Variants in DNM2 observed in about 807,000 individuals in gnomAD.
The protein encoded by DNM2 is dynamin-2.
Under a neutral mutation model 99.0 loss-of-function variants are expected in DNM2, and 15 were observed. The ratio of observed to expected loss-of-function variants is 0.15; its 90% CI spans 0.10 to 0.23. The LOEUF (loss-of-function observed/expected upper bound fraction) is 0.23, where lower values mean the gene tolerates loss of function less well. Ranked by LOEUF, DNM2 falls within the 10% of genes least tolerant of loss-of-function variation. DNM2 has a pLI of 1.00. For missense variants in DNM2, 742 were observed against 1,189.4 expected, an observed-to-expected ratio of 0.62 and a Z score of 5.53; for synonymous variants, 525 against 481.2, an observed-to-expected ratio of 1.09 and a Z score of -1.19.
chr19:10,772,437 C>A lies in DNM2; in HGVS notation c.236-42C>A. 6.2e-7 allele frequency: 1 copy of A among 1,612,240 alleles called. No homozygotes were observed. Among genetic ancestry groups the A allele is most frequent in the South Asian group, 1.1e-5 (1 of 91,048 alleles). On this transcript the variant is annotated intron_variant, in intron 2 of 20. Coordinates refer to ENST00000389253, the MANE Select transcript of DNM2 (RefSeq NM_001005361.3). The surrounding 1 kb of genome is among the most constrained non-coding windows in gnomAD (Gnocchi z 4.9). ...CCCCGCAGTCCATGCGCACCCTGCC[C>A]ACAGCTCTTTCTCATTTTCAGCATC...
chr19:10,772,705 C>T lies in DNM2; in HGVS notation c.385+77C>T. 2 of 1,597,074 alleles carry T rather than the reference C, an allele frequency of 1.3e-6. No homozygotes were observed. The highest frequency in any genetic ancestry group is 1.1e-5 in the South Asian group (1 of 89,988). ...ACAGTGCTATGGGTGAGCCTGTGTA[C>T]TTCCACTCATGGGTATCATGTGCCC... On this transcript the variant is annotated intron_variant, in intron 3 of 20. Transcript: ENST00000389253. This position sits in a 1 kb window ranked among gnomAD's most constrained non-coding sequence, Gnocchi z 4.9.
chr19:10,806,324 A>G (rs1484786475), intron 13 of DNM2, among the ~76,000 whole-genome samples: 1 of 152,136 alleles, frequency 6.6e-6, no homozygotes, highest in Non-Finnish European at 1.5e-5. Flanking sequence ...GTTTGAGACC[A>G]GCCTGGGCAA....
chr19:10,781,843 C>G (rs2071387863), intron 5 of DNM2: 1 of 151,916 alleles, frequency 6.6e-6, no homozygotes, highest in South Asian at 2.1e-4. Flanking sequence ...TTGAATTATC[C>G]AGCTTTTCTC....
In DNM2 at chr19:10,812,082, C is replaced by T; in HGVS notation, c.1558-182C>T. On this transcript the variant is annotated intron_variant, in intron 14 of 20. Transcript: ENST00000389253. The surrounding 1 kb of genome is among the most constrained non-coding windows in gnomAD (Gnocchi z 4.0). ...CCGCCCACCTGCCCAGGTGGCGCCT[C>T]ATGTTGGTTTCCTGCTGGAAATGCT... The T allele has an allele frequency of 1.7e-6, 1 of 577,616 alleles. No homozygotes were observed. The highest frequency in any genetic ancestry group is 3.3e-6 in the Non-Finnish European group (1 of 307,420). 35.8% of individuals were successfully genotyped at this position (577,616 alleles called of 1,614,324 possible).
At chr19:10,821,460 G>T (rs1284248727) in intron 16 of DNM2, among the ~76,000 whole-genome samples, 22 of 152,134 alleles carry the variant, frequency 1.4e-4, no homozygotes, top group Admixed American at 1.4e-3. Flanking sequence ...CAGGGTCCAG[G>T]CCCTGCATGT....
intron 1 of DNM2, among the ~76,000 whole-genome samples, chr19:10,723,839 A>G (rs1405730108): frequency 6.6e-6 from 1 of 152,176 alleles, no homozygotes; most frequent in South Asian, 2.1e-4. Context: ...CAGGCCCACA[A>G]TCTCAGCTCT....
At chr19:10,807,697 T>G (rs547704470) in intron 13 of DNM2, among the ~76,000 whole-genome samples, 284 of 146,890 alleles carry the variant, frequency 1.9e-3, no homozygotes, top group Non-Finnish European at 3.0e-3. Flanking sequence ...TACAGGAGCC[T>G]GCCACCACCC....
At chr19:10,747,579 G>A (rs1568276821) in intron 1 of DNM2, among the ~76,000 whole-genome samples, 1 of 152,202 alleles carries the variant, frequency 6.6e-6, no homozygotes, top group Non-Finnish European at 1.5e-5. Context: ...GATTGTGGAA[G>A]TGAGAAGTCT....
Position 10,776,363 on chromosome 19 carries a change from G to A in DNM2, c.589+457G>A, listed in dbSNP as rs145794198. Among the ~76,000 whole-genome samples the A allele has an allele frequency of 3.2e-3, 485 of 152,256 alleles. 1 individual carries two copies. The highest frequency in any genetic ancestry group is 0.011 in the African/African-American group (470 of 41,552). On this transcript the variant is annotated intron_variant, in intron 4 of 20. Transcript: ENST00000389253. ...GAGATCGTCTATTTCCCTTCGAGTT[G>A]ACACCCCTGGGCCCCTCTAGTCAGA...
chr19:10,806,757 C>T (rs1243254371), intron 13 of DNM2, among the ~76,000 whole-genome samples: 5 of 152,120 alleles, frequency 3.3e-5, no homozygotes, highest in Non-Finnish European at 7.4e-5. Context: ...TGCGCCACCG[C>T]ACTCCAGTGT....
In DNM2 at chr19:10,796,255, T is replaced by C. The variant is rs1599570325; in HGVS notation, c.1196+816T>C. ...CCTTGTGGAAACGGGGGTACGGGGG[T>C]TTGGTATCAGGCTCCCAGCGCCTCA... On this transcript the variant is annotated intron_variant, in intron 9 of 20. Transcript: ENST00000389253. The surrounding 1 kb of genome is among the most constrained non-coding windows in gnomAD (Gnocchi z 5.6). 2 of 1,611,720 alleles carry C rather than the reference T, an allele frequency of 1.2e-6. No individual in the cohort carries two copies. The highest frequency in any genetic ancestry group is 2.7e-5 in the African/African-American group (2 of 74,714).
intron 17 of DNM2, 54 bp downstream of exon 17, chr19:10,823,953 C>A: frequency 6.3e-7 from 1 of 1,577,614 alleles, no homozygotes; most frequent in Non-Finnish European, 8.7e-7. Context: ...GGAGAGGAAG[C>A]AGGGCTGGCT....
At position 10,727,663 on chromosome 19, in the gene DNM2, C is replaced by T. The variant is rs1036508694; in HGVS notation, c.161+9260C>T. Among the ~76,000 whole-genome samples, 5 of 152,124 alleles carry T rather than the reference C, an allele frequency of 3.3e-5. No homozygotes were observed. In the South Asian group the frequency reaches 8.3e-4, roughly 25 times the overall value. On this transcript the variant is annotated intron_variant, in intron 1 of 20. Coordinates refer to ENST00000389253, the MANE Select transcript of DNM2 (RefSeq NM_001005361.3). ...GGGATTACAGGCAAGAGCCACGGCACCCGGCCTAGGTTAGATTTAGAGTTT... is the reference window on the plus strand; with the variant it reads ...GGGATTACAGGCAAGAGCCACGGCATCCGGCCTAGGTTAGATTTAGAGTTT...
In DNM2 at chr19:10,729,835, A is replaced by G. The variant is rs184295516; in HGVS notation, c.161+11432A>G. Among the ~76,000 whole-genome samples the G allele has an allele frequency of 5.9e-3, 890 of 151,848 alleles. 1 individual carries two copies. The highest frequency in any genetic ancestry group is 7.6e-3 in the Non-Finnish European group (516 of 67,954). On this transcript the variant is annotated intron_variant, in intron 1 of 20. Transcript: ENST00000389253. ...TGTACTTAGGTACATGCTGGTACCT[A>G]TAGAGAATACGTGGCACCATTATGG...
At chr19:10,771,154 C>T (rs2070963836) in intron 2 of DNM2, among the ~76,000 whole-genome samples, 2 of 152,294 alleles carry the variant, frequency 1.3e-5, no homozygotes, top group Admixed American at 1.3e-4. Flanking sequence ...GGGATATCCC[C>T]TCCCCAACAT....
chr19:10,775,539 A>G lies in DNM2; in HGVS notation c.386-164A>G, dbSNP rs1227999625. Among the ~76,000 whole-genome samples the G allele has an allele frequency of 6.6e-6, 1 of 152,180 alleles. No individual in the cohort carries two copies. Among genetic ancestry groups the G allele is most frequent in the Non-Finnish European group, 1.5e-5 (1 of 68,036 alleles). ...GGTATCTGTAGGATGGGATCCTAGA[A>G]GGGGAGTTACTGGATCAAAGGTGTG... On this transcript the variant is annotated intron_variant, in intron 3 of 20. Transcript: ENST00000389253. The surrounding 1 kb of genome is among the most constrained non-coding windows in gnomAD (Gnocchi z 4.3).
intron 12 of DNM2, 112 bp downstream of exon 12, chr19:10,802,470 C>G (rs188291423): frequency 2.5e-5 from 32 of 1,270,348 alleles, no homozygotes; most frequent in Admixed American, 3.6e-5. Flanking sequence ...CAGTCTCTGT[C>G]GGGGGTCCTG....
chr19:10,804,844 C>G (rs374753523), intron 12 of DNM2, among the ~76,000 whole-genome samples: 3 of 152,182 alleles, frequency 2.0e-5, no homozygotes, highest in African/African-American at 7.2e-5. Context: ...TATCCTACAG[C>G]CAACTTGGAC....
At chr19:10,747,235 C>T (rs2070022072) in intron 1 of DNM2, among the ~76,000 whole-genome samples, 1 of 152,110 alleles carries the variant, frequency 6.6e-6, no homozygotes, top group Non-Finnish European at 1.5e-5. Context: ...TTCACAAACC[C>T]TTCCACCTCC....
Sources: gnomAD v4.1 joint callset for allele counts (sites outside exome capture counted in the v4.1 genomes callset) on GRCh38, gnomAD v4.1.1 for gene constraint, Gnocchi (gnomAD v3.1) non-coding constraint, MANE v1.5 for transcripts, NCBI Gene and HGNC (gene_info 2026-07-23, HGNC 2026-07-21) for gene names.